Variants in CCDC121 observed in about 807,000 individuals in gnomAD.
The protein encoded by CCDC121 is coiled-coil domain containing 121.
For missense variants in CCDC121, 238 were observed against 304.1 expected (o/e 0.78, Z 1.62); for synonymous variants, 108 against 120.0 (o/e 0.90, Z 0.65).
At position 27,627,668 on chromosome 2, in the gene CCDC121, A is replaced by T. The variant is rs768353767; in HGVS notation, c.132T>A (p.Thr44=). ...AENRFFLEYL[T]NKTEEYTEQP... ...GCTCTGTGTACTCTTCAGTTTTGTTAGTCAGGTATTCCAGAAAGAATCTGT... is the reference window on the plus strand; with the variant it reads ...GCTCTGTGTACTCTTCAGTTTTGTTTGTCAGGTATTCCAGAAAGAATCTGT... The change falls in exon 2 of 2, where the codon ACT becomes ACA. Residue 44 remains threonine (T), a synonymous_variant. Coordinates refer to ENST00000324364, the MANE Select transcript of CCDC121 (RefSeq NM_024584.5). The T allele has an allele frequency of 5.0e-6, 8 of 1,612,646 alleles. No individual in the cohort carries two copies. Among genetic ancestry groups the T allele is most frequent in the African/African-American group, 1.3e-5 (1 of 74,458 alleles).
rs749331422 is a variant in CCDC121 at position 27,627,035 on chromosome 2, T to C, written c.765A>G (p.Leu255=). The C allele has an allele frequency of 1.2e-6, 2 of 1,614,228 alleles. No homozygotes were observed. Among genetic ancestry groups the C allele is most frequent in the Non-Finnish European group, 1.7e-6 (2 of 1,180,028 alleles). The change falls in exon 2 of 2, where the codon CTA becomes CTG. Residue 255 remains leucine (L), a synonymous_variant. Transcript: ENST00000324364. ...QRLQGSHNQC[L]NRQDVPKTTP... The stretch of plus-strand genomic sequence containing the variant: ...TGGTCTTTGGAACATCCTGTCTATT[T>C]AGGCACTGATTATGACTTCCTTGCA...
chr2:27,628,926 C>T (rs937612158), intron 1 of CCDC121, 24 bp downstream of exon 1: 2 of 1,499,532 alleles, frequency 1.3e-6, no homozygotes, highest in South Asian at 1.3e-5. Context: ...AAGAAGATGC[C>T]CTGGCAACCG....
At position 27,625,681 on chromosome 2, in the gene CCDC121, TA is replaced by T. The variant is rs1452220733; in HGVS notation, c.*1281del. ...GTTTTTATTTAATAACATTGTTTAA[TA>T]AAAAACTACATATTTAACAGAAAAG... On this transcript the variant is annotated 3_prime_UTR_variant, in exon 2 of 2. Coordinates refer to ENST00000324364, the MANE Select transcript of CCDC121 (RefSeq NM_024584.5). The T allele has an allele frequency of 6.6e-6, 1 of 152,308 alleles. No individual in the cohort carries two copies. The highest frequency in any genetic ancestry group is 2.1e-4 in the South Asian group (1 of 4,832). 9.4% of individuals were successfully genotyped at this position (152,308 alleles called of 1,614,324 possible).
In CCDC121 at chr2:27,627,332, T is replaced by C. The variant is rs773951140; in HGVS notation, c.468A>G (p.Gln156=). The change falls in exon 2 of 2, where the codon CAA becomes CAG. Residue 156 remains glutamine (Q), a synonymous_variant. Coordinates refer to ENST00000324364, the MANE Select transcript of CCDC121 (RefSeq NM_024584.5). ...GTAGCCTCCTGTCTGGCTCGCTCAG[T>C]TGTTTCTCCAGTAATCTTTTCTCCT... ...LLQEKRLLEK[Q]LSEPDRRLLG... is the part of the protein sequence containing the mutation. 7 of 1,613,834 alleles carry C rather than the reference T, an allele frequency of 4.3e-6. No homozygotes were observed. The Admixed American group carries it at 8.3e-5, about 19-fold the overall frequency.
Position 27,628,951 on chromosome 2 carries a change from C to T in CCDC121, c.-120G>A, listed in dbSNP as rs1456793953. ...CCTGGCAACCGCCGCGCCCCTCACC[C>T]GCTCCTTTCTGACGCTGTGGTGGTT... On this transcript the variant is annotated splice_region_variant and 5_prime_UTR_variant, in exon 1 of 2. Coordinates refer to ENST00000324364, the MANE Select transcript of CCDC121 (RefSeq NM_024584.5). The T allele has an allele frequency of 8.4e-6, 13 of 1,555,530 alleles. No homozygotes were observed. The African/African-American group carries it at 1.2e-4, about 15-fold the overall frequency.
chr2:27,628,820 C>T, intron 1 of CCDC121, 130 bp downstream of exon 1: 1 of 1,483,048 alleles, frequency 6.7e-7, no homozygotes, highest in Non-Finnish European at 9.0e-7. Context: ...AGATCAGCGC[C>T]CTTTTCCTAG....
chr2:27,628,603 G>A, intron 1 of CCDC121: 1 of 1,551,578 alleles, frequency 6.4e-7, no homozygotes, highest in South Asian at 1.2e-5. Context: ...CCCTGCTCCA[G>A]TCCCGGCTGG....
Position 27,627,660 on chromosome 2 carries a change from G to A in CCDC121, c.140C>T (p.Thr47Ile). The A allele has an allele frequency of 6.2e-7, 1 of 1,613,124 alleles. No homozygotes were observed. The part of the protein sequence containing the change: ...RFFLEYLTNK[T>I]EEYTEQPEKV... ...CTCAGGTTGCTCTGTGTACTCTTCA[G>A]TTTTGTTAGTCAGGTATTCCAGAAA... Residue 47 changes from threonine (T) to isoleucine (I), a missense_variant, in exon 2 of 2, where the codon ACT becomes ATT. By Grantham distance (89) the Thr-to-Ile change is moderately conservative. Transcript: ENST00000324364.
In CCDC121 at chr2:27,628,481, G is replaced by C. The variant is rs149819301; in HGVS notation, c.-119+469C>G. On this transcript the variant is annotated intron_variant, in intron 1 of 1. Coordinates refer to ENST00000324364, the MANE Select transcript of CCDC121 (RefSeq NM_024584.5). ...GCCAAGGAATGAGCGCTAGCATCAG[G>C]AACCTGCGTCTGCAACTCGCGGGAA... is the stretch of plus-strand genomic sequence containing the variant. The C allele has an allele frequency of 1.5e-3, 2,278 of 1,551,476 alleles. 36 individuals are homozygous for C. The African/African-American group carries it at 0.027, about 19-fold the overall frequency.
In CCDC121 at chr2:27,627,835, C is replaced by T; in HGVS notation, c.-36G>A. On this transcript the variant is annotated 5_prime_UTR_variant, in exon 2 of 2. Coordinates refer to ENST00000324364, the MANE Select transcript of CCDC121 (RefSeq NM_024584.5). Reference sequence around the variant, plus strand: ...ATCTTTTCTTTAAGCCTTGTCTCTACCTTTGTTAGCTTCTCTGGCTTGACA... The same window carrying T: ...ATCTTTTCTTTAAGCCTTGTCTCTATCTTTGTTAGCTTCTCTGGCTTGACA... 6.2e-7 allele frequency: 1 copy of T among 1,614,050 alleles called. No homozygotes were observed. Among genetic ancestry groups the T allele is most frequent in the Non-Finnish European group, 8.5e-7 (1 of 1,180,016 alleles).
chr2:27,628,687 C>T (rs1247517149), intron 1 of CCDC121: 8 of 1,551,662 alleles, frequency 5.2e-6, no homozygotes, highest in Non-Finnish European at 1.7e-6. Flanking sequence ...GGCTCCGCTC[C>T]CCGTTCTCTG....
At chr2:27,628,656 C>T (rs781611356) in intron 1 of CCDC121, 2 of 1,551,564 alleles carry the variant, frequency 1.3e-6, no homozygotes, top group Admixed American at 3.9e-5. Context: ...CCGAATAAGC[C>T]CGAGCAGCCG....
At chr2:27,628,197 G>T in intron 1 of CCDC121, 2 of 642,826 alleles carry the variant, frequency 3.1e-6, no homozygotes, top group South Asian at 2.0e-5. Context: ...CACACCACTA[G>T]CAAGTGGCAG....
chr2:27,628,648 G>C (rs1209019233), intron 1 of CCDC121: 2 of 1,551,514 alleles, frequency 1.3e-6, no homozygotes, highest in Non-Finnish European at 1.7e-6. Context: ...CTCGGCTACC[G>C]AATAAGCCCG....
chr2:27,628,051 A>C, intron 1 of CCDC121, 134 bp from the exon 2 acceptor site: 1 of 690,194 alleles, frequency 1.4e-6, no homozygotes, highest in Non-Finnish European at 2.4e-6. Context: ...GGTGTGGGGA[A>C]TCCAGCTAGT....
intron 1 of CCDC121, chr2:27,628,353 G>A: frequency 6.6e-7 from 1 of 1,506,992 alleles, no homozygotes; most frequent in Non-Finnish European, 8.9e-7. Flanking sequence ...GGGACCTTCA[G>A]TGACTGGAGG....
rs1451261135 is a variant in CCDC121 at position 27,628,968 on chromosome 2, G to C, written c.-137C>G. ...CCCTCACCCGCTCCTTTCTGACGCT[G>C]TGGTGGTTTTCGTTCGCAGCCCAGA... On this transcript the variant is annotated 5_prime_UTR_variant, in exon 1 of 2. Transcript: ENST00000324364. 1 of 1,580,986 alleles carries C rather than the reference G, an allele frequency of 6.3e-7. No homozygotes were observed. The highest frequency in any genetic ancestry group is 8.6e-7 in the Non-Finnish European group (1 of 1,163,364).
In CCDC121 at chr2:27,627,223, A is replaced by G; in HGVS notation, c.577T>C (p.Cys193Arg). Residue 193 changes from cysteine to arginine, a missense_variant, in exon 2 of 2, where the codon TGT becomes CGT. Physicochemically the swap from Cys to Arg is radical, Grantham distance 180 (BLOSUM62 -3). Transcript: ENST00000324364. ...AAKRFIFEYS[C>R]GINRENQQFK... is the part of the protein sequence containing the mutation. ...TGCTGGTTCTCTCTGTTGATGCCAC[A>G]GGAGTATTCAAAAATAAACCGCTTT... The G allele has an allele frequency of 6.2e-7, 1 of 1,614,018 alleles. No homozygotes were observed. The highest frequency in any genetic ancestry group is 1.3e-5 in the African/African-American group (1 of 75,062).
rs1463020383 is a variant in CCDC121, at chr2:27,627,421, C to T, written c.379G>A (p.Glu127Lys). Residue 127 changes from glutamate (E) to lysine (K), a missense_variant, in exon 2 of 2, where the codon GAG (glutamate) becomes AAG (lysine). By Grantham distance (56) the Glu-to-Lys change is moderately conservative. Transcript: ENST00000324364. ...QEKEIQTLQE[E>K]TKKVQAETAS... ...GTCTCAGCTTGGACTTTCTTTGTCT[C>T]CTCCTGTAATGTCTGTATTTCTTTC... 1 of 1,614,074 alleles carries T rather than the reference C, an allele frequency of 6.2e-7. No individual in the cohort carries two copies. The highest frequency in any genetic ancestry group is 8.5e-7 in the Non-Finnish European group (1 of 1,180,040).
Sources: allele counts gnomAD v4.1 joint callset, GRCh38; gene constraint gnomAD v4.1.1; transcripts MANE v1.5; gene names NCBI Gene and HGNC (gene_info 2026-07-23, HGNC 2026-07-21).